Variants in BRINP3 observed in about 807,000 individuals in gnomAD.
BRINP3 encodes BMP/retinoic acid-inducible neural-specific protein 3.
Under a neutral mutation model 71.0 loss-of-function variants are expected in BRINP3, and 19 were observed. The observed-to-expected ratio is 0.27, with a 90% CI of 0.19 to 0.39. BRINP3 has a LOEUF of 0.39. Among genes scored for constraint, BRINP3 ranks in the 10% least tolerant of loss-of-function variants. The probability of loss-of-function intolerance (pLI) is 1.00; values close to 1 mark genes in which losing one functional copy is unlikely to be tolerated. For missense variants in BRINP3, 959 were observed against 940.8 expected (o/e 1.02, Z -0.25); for synonymous variants, 380 against 337.7 (o/e 1.13, Z -1.37).
At chr1:190,458,297 T>C (rs958040842) in intron 1 of BRINP3, among the ~76,000 whole-genome samples, 1 of 152,138 alleles carries the variant, frequency 6.6e-6, no homozygotes, top group African/African-American at 2.4e-5. Flanking sequence ...GTAAGAACTT[T>C]ATAAAGATAT....
chr1:190,273,497 G>T (rs1358325253), intron 3 of BRINP3, among the ~76,000 whole-genome samples: 2 of 151,484 alleles, frequency 1.3e-5, no homozygotes, highest in African/African-American at 4.8e-5. Context: ...CTAAAATTTT[G>T]TGGTGGTTTA....
At chr1:190,405,863 G>A (rs973272195) in intron 2 of BRINP3, among the ~76,000 whole-genome samples, 5 of 152,100 alleles carry the variant, frequency 3.3e-5, no homozygotes, top group African/African-American at 1.2e-4. Context: ...ATATATTCAG[G>A]TAATAAGACT....
intron 2 of BRINP3, among the ~76,000 whole-genome samples, chr1:190,453,378 G>A (rs956494728): frequency 6.6e-6 from 1 of 151,302 alleles, no homozygotes; most frequent in South Asian, 2.1e-4. Context: ...TAGCCACCAC[G>A]CCCGGCTAAT....
chr1:190,434,743 A>C (rs1286460037), intron 2 of BRINP3, among the ~76,000 whole-genome samples: 1 of 152,192 alleles, frequency 6.6e-6, no homozygotes, highest in South Asian at 2.1e-4. Flanking sequence ...AATATGAACA[A>C]GCACCATGAA....
chr1:190,169,205 T>C (rs181952944), intron 6 of BRINP3, among the ~76,000 whole-genome samples: 60 of 152,330 alleles, frequency 3.9e-4, no homozygotes, highest in African/African-American at 1.4e-3. Flanking sequence ...CTGGTGATTC[T>C]GTGCACATTT....
At chr1:190,394,431 T>C (rs1671443361) in intron 2 of BRINP3, among the ~76,000 whole-genome samples, 1 of 151,542 alleles carries the variant, frequency 6.6e-6, no homozygotes, top group South Asian at 2.1e-4. Context: ...ACTAATTATC[T>C]GTTCTTTAGA....
intron 7 of BRINP3, among the ~76,000 whole-genome samples, chr1:190,139,749 T>TA (rs1453850195): frequency 6.6e-6 from 1 of 152,152 alleles, no homozygotes; most frequent in Non-Finnish European, 1.5e-5. Context: ...CAATATAGCA[T>TA]ACGACATAAA....
chr1:190,465,750 C>T lies in BRINP3; in HGVS notation c.-50-10810G>A, dbSNP rs1001861518. ...CACTTACCAAACCCCATTAAAGTAG[C>T]CCACCTTGAATAAGGTCTATCCCAC... On this transcript the variant is annotated intron_variant, in intron 1 of 7. Transcript: ENST00000367462. Among the ~76,000 whole-genome samples, 3 of 151,810 alleles carry T rather than the reference C, an allele frequency of 2.0e-5. No homozygotes were observed. The South Asian group carries it at 6.2e-4, about 31-fold the overall frequency.
At chr1:190,183,607 G>A (rs1328331889) in intron 6 of BRINP3, among the ~76,000 whole-genome samples, 2 of 152,196 alleles carry the variant, frequency 1.3e-5, no homozygotes, top group African/African-American at 4.8e-5. Context: ...CTGATAATGG[G>A]GGATGGATGC....
intron 6 of BRINP3, 47 bp downstream of exon 6, chr1:190,226,034 TA>T (rs1657339112): frequency 1.6e-6 from 2 of 1,217,912 alleles, no homozygotes; most frequent in Non-Finnish European, 1.1e-6. Flanking sequence ...CATTTCAATA[TA>T]TTTTTTGTCA....
rs1365722833 is a variant in BRINP3 at position 190,265,075 on chromosome 1, A to T, written c.428-20T>A. On this transcript the variant is annotated intron_variant, in intron 3 of 7. Coordinates refer to ENST00000367462, the MANE Select transcript of BRINP3 (RefSeq NM_199051.3). Reference sequence around the variant, plus strand: ...CCTCTCCTGCATTAATAATATTTCAAATTATTCAATTTTCCACTTAAAATC... The same window carrying T: ...CCTCTCCTGCATTAATAATATTTCATATTATTCAATTTTCCACTTAAAATC... 2.6e-6 allele frequency: 4 copies of T among 1,568,554 alleles called. No homozygotes were observed. The highest frequency in any genetic ancestry group is 2.1e-5 in the Admixed American group (1 of 48,600).
intron 5 of BRINP3, among the ~76,000 whole-genome samples, chr1:190,226,916 T>A (rs185765707): frequency 3.3e-3 from 509 of 152,062 alleles, no homozygotes; most frequent in African/African-American, 0.012. Flanking sequence ...GTTTATTTTT[T>A]GCCATGTGTC....
At chr1:190,306,875 A>T (rs1198725395) in intron 2 of BRINP3, among the ~76,000 whole-genome samples, 1 of 152,046 alleles carries the variant, frequency 6.6e-6, no homozygotes, top group Non-Finnish European at 1.5e-5. Flanking sequence ...TAAATAAAAG[A>T]TACTATTGTA....
At chr1:190,201,489 T>G (rs2102613378) in intron 6 of BRINP3, among the ~76,000 whole-genome samples, 1 of 152,288 alleles carries the variant, frequency 6.6e-6, no homozygotes, top group Admixed American at 6.5e-5. Flanking sequence ...GCTGGCTGCA[T>G]AATTTGCATA....
chr1:190,114,140 GC>G (rs1652924705), intron 7 of BRINP3, among the ~76,000 whole-genome samples: 1 of 152,030 alleles, frequency 6.6e-6, no homozygotes, highest in South Asian at 2.1e-4. Context: ...ATGGAATCTG[GC>G]CCTGTAGAAG....
At chr1:190,259,200 T>C (rs1303724956) in intron 4 of BRINP3, among the ~76,000 whole-genome samples, 1 of 151,208 alleles carries the variant, frequency 6.6e-6, no homozygotes, top group Non-Finnish European at 1.5e-5. Flanking sequence ...CAGGAAAATA[T>C]AGTCCAATAT....
intron 5 of BRINP3, among the ~76,000 whole-genome samples, chr1:190,228,751 C>A (rs1657648666): frequency 6.6e-6 from 1 of 150,826 alleles, no homozygotes; most frequent in Non-Finnish European, 1.5e-5. Context: ...CCTGCTCTGA[C>A]AAACAACTCG....
intron 2 of BRINP3, among the ~76,000 whole-genome samples, chr1:190,325,470 T>C (rs578220006): frequency 6.6e-6 from 1 of 152,116 alleles, no homozygotes; most frequent in Admixed American, 6.6e-5. Flanking sequence ...TTAGCCTTAT[T>C]TTAAATGTAG....
chr1:190,124,927 T>G (rs1332247404), intron 7 of BRINP3, among the ~76,000 whole-genome samples: 2 of 152,064 alleles, frequency 1.3e-5, no homozygotes, highest in Admixed American at 6.6e-5. Flanking sequence ...CAGAGTGTCA[T>G]GAAGGTGACT....
Sources: gnomAD v4.1 joint callset for allele counts (sites outside exome capture counted in the v4.1 genomes callset) on GRCh38, gnomAD v4.1.1 for gene constraint, MANE v1.5 for transcripts, NCBI Gene and HGNC (gene_info 2026-07-23, HGNC 2026-07-21) for gene names.